Variants in EBF1 observed in about 807,000 individuals in gnomAD.
EBF1 encodes EBF transcription factor 1.
In EBF1, 10 loss-of-function variants were observed where a neutral mutation model predicts 68.4. The observed-to-expected ratio is 0.15, with a 90% CI of 0.09 to 0.25. The LOEUF is 0.25. Among genes scored for constraint, EBF1 ranks in the 10% least tolerant of loss-of-function variants. EBF1 has a pLI of 1.00. For synonymous variants in EBF1, 298 were observed against 299.8 expected, an observed-to-expected ratio of 0.99 and a Z score of 0.06; for missense variants, 509 against 794.4, an observed-to-expected ratio of 0.64 and a Z score of 4.32.
At chr5:158,750,148 CTG>C (rs1768482990) in intron 10 of EBF1, among the ~76,000 whole-genome samples, 1 of 152,124 alleles carries the variant, frequency 6.6e-6, no homozygotes, top group African/African-American at 2.4e-5. Context: ...GAAAGAGAAA[CTG>C]AAATCAATTC....
chr5:158,873,916 C>T (rs149217326), intron 6 of EBF1, among the ~76,000 whole-genome samples: 11 of 152,096 alleles, frequency 7.2e-5, no homozygotes, highest in Non-Finnish European at 1.0e-4. Flanking sequence ...TGAGAAGCTG[C>T]GAGTTGGCTA....
chr5:158,968,779 A>G (rs1754701879), intron 6 of EBF1, among the ~76,000 whole-genome samples: 3 of 152,204 alleles, frequency 2.0e-5, no homozygotes, highest in South Asian at 2.1e-4. Flanking sequence ...TTTGTAAATT[A>G]TCAACACTAA....
intron 4 of EBF1, among the ~76,000 whole-genome samples, chr5:159,087,193 T>C (rs1287413200): frequency 6.6e-6 from 1 of 151,090 alleles, no homozygotes; most frequent in African/African-American, 2.4e-5. Flanking sequence ...ATATTTGTCA[T>C]GCTAAGCTAA....
At chr5:158,705,694 C>A (rs916536886) in intron 15 of EBF1, among the ~76,000 whole-genome samples, 2 of 152,194 alleles carry the variant, frequency 1.3e-5, no homozygotes, top group African/African-American at 4.8e-5. Context: ...TCTCCTGAAA[C>A]CCAGGAAGTC....
intron 6 of EBF1, among the ~76,000 whole-genome samples, chr5:158,973,464 AAC>A (rs139768228): frequency 2.4e-4 from 36 of 148,876 alleles, no homozygotes; most frequent in Non-Finnish European, 4.6e-4. Context: ...AGCTCAAACC[AAC>A]ACACACACAC....
chr5:158,716,408 A>G (rs1239132198), intron 11 of EBF1, among the ~76,000 whole-genome samples: 1 of 152,154 alleles, frequency 6.6e-6, no homozygotes, highest in Non-Finnish European at 1.5e-5. Flanking sequence ...ATGTTTTCCC[A>G]TTGAGTACAT....
chr5:159,064,899 CTTTTTTTTTTTT>C lies in EBF1; in HGVS notation c.554+8485_554+8496del, dbSNP rs57256923. On this transcript the variant is annotated intron_variant, in intron 6 of 15. Coordinates refer to ENST00000313708, the MANE Select transcript of EBF1 (RefSeq NM_024007.5). The stretch of plus-strand genomic sequence containing the variant: ...GAAAAAGAGACTGCTCTCTTTTCAT[CTTTTTTTTTTTT>C]TTTTTTTTTTTTTGGTCTCTGTAGA... Among the ~76,000 whole-genome samples, 108 of 67,946 alleles carry C rather than the reference CTTTTTTTTTTTT, an allele frequency of 1.6e-3. 2 individuals carry two copies. The Middle Eastern group carries it at 0.045, about 29-fold the overall frequency. The allele number at this position is 67,946 out of a possible 152,430, so 44.6% of individuals were successfully genotyped here.
At chr5:158,777,280 G>A (rs1775488655) in intron 10 of EBF1, 133 bp downstream of exon 10, 1 of 1,071,296 alleles carries the variant, frequency 9.3e-7, no homozygotes, top group African/African-American at 1.6e-5. Context: ...TCATACATAT[G>A]GTAAAATGAA....
chr5:158,760,973 C>T (rs951189202), intron 10 of EBF1, among the ~76,000 whole-genome samples: 3 of 152,124 alleles, frequency 2.0e-5, no homozygotes, highest in Admixed American at 1.3e-4. Flanking sequence ...GACACAATGC[C>T]TTGTTTAAAG....
chr5:159,057,851 C>T (rs946959408), intron 6 of EBF1, among the ~76,000 whole-genome samples: 1 of 152,172 alleles, frequency 6.6e-6, no homozygotes, highest in African/African-American at 2.4e-5. Context: ...CGTTCTTAAG[C>T]TATTCATTCT....
chr5:158,774,112 G>T (rs1306502116), intron 10 of EBF1, among the ~76,000 whole-genome samples: 1 of 152,142 alleles, frequency 6.6e-6, no homozygotes, highest in African/African-American at 2.4e-5. Context: ...AATCCAGTCA[G>T]GATTCACTTT....
intron 5 of EBF1, among the ~76,000 whole-genome samples, chr5:159,080,061 C>T (rs1383852426): frequency 2.0e-5 from 3 of 152,140 alleles, no homozygotes; most frequent in African/African-American, 7.2e-5. Flanking sequence ...TCAATCCCAT[C>T]TAAGCCCATA....
chr5:158,987,837 A>G (rs1759406244), intron 6 of EBF1, among the ~76,000 whole-genome samples: 1 of 152,234 alleles, frequency 6.6e-6, no homozygotes, highest in Non-Finnish European at 1.5e-5. Context: ...ACTAGAAGCA[A>G]TTGCAACCAA....
At chr5:158,727,935 A>C (rs760775342) in intron 11 of EBF1, among the ~76,000 whole-genome samples, 1 of 152,182 alleles carries the variant, frequency 6.6e-6, no homozygotes, top group Non-Finnish European at 1.5e-5. Context: ...TGGTTGTATG[A>C]ATCTAGCTTT....
chr5:159,051,256 G>A lies in EBF1; in HGVS notation c.554+22140C>T, dbSNP rs577952166. On this transcript the variant is annotated intron_variant, in intron 6 of 15. Coordinates refer to ENST00000313708, the MANE Select transcript of EBF1 (RefSeq NM_024007.5). ...TTCTCACAAGTAGTGAGATGTCACG[G>A]GGAGGGCACAACATTTAGAGGTCAA... 5.9e-5 allele frequency among the ~76,000 whole-genome samples: 9 copies of A among 151,974 alleles called. No individual in the cohort carries two copies. In the South Asian group the frequency reaches 1.7e-3, roughly 28 times the overall value.
At chr5:159,072,156 T>A (rs142406087) in intron 6 of EBF1, among the ~76,000 whole-genome samples, 1 of 152,278 alleles carries the variant, frequency 6.6e-6, no homozygotes, top group South Asian at 2.1e-4. Flanking sequence ...ACTAATACTC[T>A]TATATGGAGC....
chr5:158,915,520 C>T (rs1806986056), intron 6 of EBF1, among the ~76,000 whole-genome samples: 2 of 152,160 alleles, frequency 1.3e-5, no homozygotes, highest in South Asian at 4.1e-4. Context: ...TCAGACAGAT[C>T]ATGAACAAGA....
chr5:158,922,780 A>G (rs1234795252), intron 6 of EBF1, among the ~76,000 whole-genome samples: 1 of 152,204 alleles, frequency 6.6e-6, no homozygotes. Flanking sequence ...GGTTATTGTC[A>G]CTTCAGAATT....
chr5:158,974,126 C>G (rs894849567), intron 6 of EBF1, among the ~76,000 whole-genome samples: 2 of 152,234 alleles, frequency 1.3e-5, no homozygotes, highest in Non-Finnish European at 2.9e-5. Context: ...ATTCCTAGCA[C>G]AATGATACAG....
Sources: allele counts gnomAD v4.1 joint callset (sites outside exome capture counted in the v4.1 genomes callset), GRCh38; gene constraint gnomAD v4.1.1; transcripts MANE v1.5; gene names NCBI Gene and HGNC (gene_info 2026-07-23, HGNC 2026-07-21).